Variants in MSRA observed in about 807,000 individuals in gnomAD.
MSRA encodes the protein mitochondrial peptide methionine sulfoxide reductase.
A neutral mutation model predicts 31.3 loss-of-function variants in MSRA; 54 were observed. The ratio of observed to expected loss-of-function variants is 1.73; its 90% CI spans 1.39 to 2.17. MSRA has a LOEUF of 2.17. MSRA is among the 30% of genes most tolerant of loss of function. MSRA has a pLI of 0.00. For missense variants in MSRA, 507 were observed against 300.9 expected, an observed-to-expected ratio of 1.69 and a Z score of -5.07; for synonymous variants, 169 against 116.5, an observed-to-expected ratio of 1.45 and a Z score of -2.90.
intron 1 of MSRA, among the ~76,000 whole-genome samples, chr8:10,149,759 C>G (rs1803496487): frequency 1.1e-5 from 1 of 93,076 alleles, no homozygotes; most frequent in Non-Finnish European, 2.4e-5. Flanking sequence ...AATAATAGCA[C>G]AGTTGGCAGA....
At chr8:10,371,035 C>T (rs193150444) in intron 5 of MSRA, among the ~76,000 whole-genome samples, 1 of 152,342 alleles carries the variant, frequency 6.6e-6, no homozygotes, top group Admixed American at 6.5e-5. Flanking sequence ...ACCCTAGGCA[C>T]ATCCGAATCC....
chr8:10,119,411 C>T (rs370522511), intron 1 of MSRA, among the ~76,000 whole-genome samples: 3 of 152,268 alleles, frequency 2.0e-5, no homozygotes, highest in Middle Eastern at 3.4e-3. Context: ...GACATGTGGA[C>T]GTGCTTTCTG....
chr8:10,261,091 T>C (rs1585302559), intron 3 of MSRA, among the ~76,000 whole-genome samples: 1 of 152,156 alleles, frequency 6.6e-6, no homozygotes, highest in East Asian at 1.9e-4. Flanking sequence ...ACAAAAGTAA[T>C]TCTTGCTAGA....
chr8:10,231,484 G>A (rs1563247655), intron 2 of MSRA, among the ~76,000 whole-genome samples: 1 of 152,236 alleles, frequency 6.6e-6, no homozygotes, highest in Non-Finnish European at 1.5e-5. Flanking sequence ...TCCCCAGCAA[G>A]AGTTGGAAAT....
At chr8:10,415,376 G>C (rs989578031) in intron 5 of MSRA, among the ~76,000 whole-genome samples, 5 of 152,322 alleles carry the variant, frequency 3.3e-5, no homozygotes, top group African/African-American at 1.2e-4. Context: ...CTTGAGCTCA[G>C]CCTTACAGAC....
intron 1 of MSRA, among the ~76,000 whole-genome samples, chr8:10,057,730 T>C (rs939382571): frequency 6.6e-6 from 1 of 152,174 alleles, no homozygotes; most frequent in African/African-American, 2.4e-5. Flanking sequence ...CGCTCTCTCG[T>C]TCTCTCCTGC....
intron 5 of MSRA, among the ~76,000 whole-genome samples, chr8:10,413,943 T>C (rs994047716): frequency 1.3e-5 from 2 of 152,072 alleles, no homozygotes; most frequent in Non-Finnish European, 2.9e-5. Context: ...GGCAGGAGGA[T>C]TGTTTGAGCC....
At chr8:10,142,737 T>C (rs1012840547) in intron 1 of MSRA, among the ~76,000 whole-genome samples, 3 of 152,238 alleles carry the variant, frequency 2.0e-5, no homozygotes, top group Non-Finnish European at 4.4e-5. Context: ...TTTCCCGGAC[T>C]ATTTGATAAG....
At position 10,361,799 on chromosome 8, in the gene MSRA, T is replaced by G. The variant is rs1020059159; in HGVS notation, c.543+41810T>G. ...TAATAAATATATATGACTTTTGTAA[T>G]GTAAAAAATGTCTTCCTAACTTATT... is the stretch of plus-strand genomic sequence containing the variant. On this transcript the variant is annotated intron_variant, in intron 5 of 5. Coordinates refer to ENST00000317173, the MANE Select transcript of MSRA (RefSeq NM_012331.5). Among the ~76,000 whole-genome samples, 4 of 152,228 alleles carry G rather than the reference T, an allele frequency of 2.6e-5. No individual in the cohort carries two copies. The South Asian group carries it at 6.2e-4, about 24-fold the overall frequency.
intron 3 of MSRA, among the ~76,000 whole-genome samples, chr8:10,293,306 T>C (rs1800346396): frequency 1.3e-5 from 2 of 152,176 alleles, no homozygotes. Flanking sequence ...AGCCACTTTG[T>C]GGCTTTGCAA....
intron 2 of MSRA, among the ~76,000 whole-genome samples, chr8:10,215,295 C>G (rs1173296805): frequency 6.6e-6 from 1 of 152,196 alleles, no homozygotes; most frequent in Non-Finnish European, 1.5e-5. Flanking sequence ...TCCTTGTTGA[C>G]TCTAGACAAG....
chr8:10,229,573 G>C (rs373122379), intron 2 of MSRA, among the ~76,000 whole-genome samples: 17 of 152,290 alleles, frequency 1.1e-4, no homozygotes, highest in East Asian at 5.8e-4. Flanking sequence ...CTGCGCATGT[G>C]GGGAGGGCAG....
chr8:10,389,740 CTTTT>C (rs35603997), intron 5 of MSRA, among the ~76,000 whole-genome samples: 10 of 109,272 alleles, frequency 9.2e-5, no homozygotes, highest in Non-Finnish European at 1.5e-4. Context: ...CAGAAGCTTG[CTTTT>C]TTTTTTTTTT....
chr8:10,421,973 C>A (rs10113408), intron 5 of MSRA, among the ~76,000 whole-genome samples: 1 of 152,270 alleles, frequency 6.6e-6, no homozygotes, highest in East Asian at 1.9e-4. Flanking sequence ...GGAGCCAGTA[C>A]TCTGCAGTAG....
In MSRA at chr8:10,078,126, C is replaced by T. The variant is rs181653152; in HGVS notation, c.142+23468C>T. 3.8e-3 allele frequency among the ~76,000 whole-genome samples: 582 copies of T among 152,288 alleles called. 3 individuals carry two copies. Among genetic ancestry groups the T allele is most frequent in the Non-Finnish European group, 5.2e-3 (351 of 68,020 alleles). ...TTGGGAAAATTTAGTCACTGTTTTC[C>T]GGTAAGTACACAGCAACAGGTGTTT... is the stretch of plus-strand genomic sequence containing the variant. On this transcript the variant is annotated intron_variant, in intron 1 of 5. Coordinates refer to ENST00000317173, the MANE Select transcript of MSRA (RefSeq NM_012331.5).
At chr8:10,398,308 T>G (rs1288633238) in intron 5 of MSRA, among the ~76,000 whole-genome samples, 1 of 152,228 alleles carries the variant, frequency 6.6e-6, no homozygotes, top group Non-Finnish European at 1.5e-5. Flanking sequence ...GTGAAAGGGC[T>G]GGATTCTGCC....
intron 1 of MSRA, among the ~76,000 whole-genome samples, chr8:10,185,635 A>T (rs11777161): frequency 0.35 from 53,212 of 152,060 alleles, 10,041 homozygotes; most frequent in East Asian, 0.5. Context: ...AGAAGAAAGT[A>T]GCAGATGGTT....
At chr8:10,391,733 C>T (rs1292362137) in intron 5 of MSRA, among the ~76,000 whole-genome samples, 1 of 152,176 alleles carries the variant, frequency 6.6e-6, no homozygotes, top group East Asian at 1.9e-4. Context: ...CCCAGTCTGC[C>T]CTGCCGTAGG....
chr8:10,153,905 A>C (rs1174948996), intron 1 of MSRA, among the ~76,000 whole-genome samples: 2 of 152,228 alleles, frequency 1.3e-5, no homozygotes, highest in Non-Finnish European at 2.9e-5. Flanking sequence ...ACTAAATAAA[A>C]ATTATCCAAA....
Sources: gnomAD v4.1 joint callset for allele counts (sites outside exome capture counted in the v4.1 genomes callset) on GRCh38, gnomAD v4.1.1 for gene constraint, MANE v1.5 for transcripts, NCBI Gene and HGNC (gene_info 2026-07-23, HGNC 2026-07-21) for gene names.